The following RSF1 variants were observed in gnomAD, a reference collection of about 807,000 sequenced individuals.
The protein encoded by RSF1 is remodeling and spacing factor 1.
A neutral mutation model predicts 145.2 loss-of-function variants in RSF1; 13 were observed. That is an observed-to-expected ratio of 0.09 (90% CI 0.06 to 0.14). The LOEUF (loss-of-function observed/expected upper bound fraction) is 0.14, where lower values mean the gene tolerates loss of function less well. Ranked by LOEUF, RSF1 falls within the 10% of genes least tolerant of loss-of-function variation. The pLI is 1.00. For missense variants in RSF1, 1,517 were observed against 1,718.2 expected, an observed-to-expected ratio of 0.88 and a Z score of 2.07; for synonymous variants, 577 against 592.6, an observed-to-expected ratio of 0.97 and a Z score of 0.38.
chr11:77,736,225 C>T (rs1466142018), intron 4 of RSF1, among the ~76,000 whole-genome samples: 6 of 152,200 alleles, frequency 3.9e-5, no homozygotes, highest in Non-Finnish European at 7.3e-5. Flanking sequence ...AGTTCTGCTT[C>T]CCCATAATTT....
At chr11:77,741,910 T>C (rs563503389) in intron 3 of RSF1, among the ~76,000 whole-genome samples, 48 of 152,312 alleles carry the variant, frequency 3.2e-4, no homozygotes, top group African/African-American at 1.1e-3. Context: ...TCTGACTCTT[T>C]TAGATTCCAC....
chr11:77,725,807 A>G, intron 4 of RSF1, 108 bp from the exon 5 acceptor site: 1 of 796,886 alleles, frequency 1.3e-6, no homozygotes, highest in Non-Finnish European at 1.8e-6. Context: ...ATACATTAAG[A>G]ACATCAAAAA....
At chr11:77,686,281 A>T (rs576639186) in intron 9 of RSF1, among the ~76,000 whole-genome samples, 1 of 151,780 alleles carries the variant, frequency 6.6e-6, no homozygotes, top group East Asian at 1.9e-4. Context: ...GGTGGCACAC[A>T]CCTATTGTCC....
At chr11:77,753,526 G>C (rs182880356) in intron 2 of RSF1, among the ~76,000 whole-genome samples, 1 of 152,274 alleles carries the variant, frequency 6.6e-6, no homozygotes, top group East Asian at 1.9e-4. Context: ...CCCACAACAG[G>C]ACGGTTTTAA....
At chr11:77,719,674 C>T (rs1423220479) in intron 5 of RSF1, among the ~76,000 whole-genome samples, 1 of 152,114 alleles carries the variant, frequency 6.6e-6, no homozygotes, top group Middle Eastern at 3.4e-3. Context: ...ATTATCTATA[C>T]CAAAAGGTGG....
In RSF1 at chr11:77,701,083, T is replaced by C. The variant is rs780118745; in HGVS notation, c.2146A>G (p.Thr716Ala). Residue 716 changes from threonine (T) to alanine (A), a missense_variant, in exon 6 of 16, where the codon ACC becomes GCC. By Grantham distance (58) the Thr-to-Ala change is moderately conservative. Transcript: ENST00000308488. ...FKYKLVPEEETTASENTEITS... is the reference protein window; with the variant it reads ...FKYKLVPEEEATASENTEITS... Reference sequence around the variant, plus strand: ...ATCTCTGTATTTTCTGAGGCAGTGGTTTCTTCTTCAGGAACCAACTTATAT... The same window carrying C: ...ATCTCTGTATTTTCTGAGGCAGTGGCTTCTTCTTCAGGAACCAACTTATAT... The C allele has an allele frequency of 1.5e-5, 25 of 1,613,504 alleles. No individual in the cohort carries two copies. Among genetic ancestry groups the C allele is most frequent in the Non-Finnish European group, 1.9e-5 (23 of 1,179,956 alleles).
chr11:77,677,026 G>A, intron 12 of RSF1, 27 bp from the exon 13 acceptor site: 2 of 1,565,684 alleles, frequency 1.3e-6, no homozygotes, highest in Non-Finnish European at 1.8e-6. Context: ...GAAGTTCGGG[G>A]AGAGAAAAAT....
chr11:77,809,358 G>A (rs1331166687), intron 1 of RSF1, among the ~76,000 whole-genome samples: 1 of 152,004 alleles, frequency 6.6e-6, no homozygotes, highest in Non-Finnish European at 1.5e-5. Context: ...ATACTACAAA[G>A]CCCCTTATTT....
chr11:77,822,726 C>A (rs150641031), upstream of RSF1, among the ~76,000 whole-genome samples: 151 of 152,158 alleles, frequency 9.9e-4, 2 homozygotes, highest in Non-Finnish European at 2.2e-4. Context: ...GTATACAAAC[C>A]GTTTTTAAAG....
chr11:77,782,709 G>C (rs537782935), intron 1 of RSF1, among the ~76,000 whole-genome samples: 22 of 152,262 alleles, frequency 1.4e-4, no homozygotes, highest in African/African-American at 5.1e-4. Flanking sequence ...ACAACAACAT[G>C]AAATTCAAAT....
the RSF1 span, among the ~76,000 whole-genome samples, chr11:77,847,878 C>T: frequency 6.6e-6 from 1 of 152,022 alleles, no homozygotes; most frequent in African/African-American, 2.4e-5. Context: ...TCCTAAAAAC[C>T]CCGGGAGCTG....
chr11:77,769,021 T>C (rs1335127183), intron 1 of RSF1, among the ~76,000 whole-genome samples: 1 of 152,188 alleles, frequency 6.6e-6, no homozygotes, highest in Non-Finnish European at 1.5e-5. Flanking sequence ...AAACACGTAG[T>C]AAGTTGCTAT....
At chr11:77,808,147 A>T (rs1239624900) in intron 1 of RSF1, among the ~76,000 whole-genome samples, 1 of 152,126 alleles carries the variant, frequency 6.6e-6, no homozygotes, top group African/African-American at 2.4e-5. Flanking sequence ...CAGCCTGGAC[A>T]ACATGGTGAA....
chr11:77,678,022 T>A, intron 12 of RSF1, 64 bp downstream of exon 12: 1 of 1,127,616 alleles, frequency 8.9e-7, no homozygotes, highest in South Asian at 1.3e-5. Context: ...ACTGCCCTAA[T>A]TTGGGCACCT....
At chr11:77,758,858 AC>A (rs61430224) in intron 2 of RSF1, among the ~76,000 whole-genome samples, 19,581 of 152,200 alleles carry the variant, frequency 0.13, 1,443 homozygotes, top group Admixed American at 0.2. Flanking sequence ...GATTTGCAAT[AC>A]GTGCAATTTG....
At position 77,701,326 on chromosome 11, in the gene RSF1, T is replaced by C; in HGVS notation, c.1903A>G (p.Ile635Val). Reference sequence around the variant, plus strand: ...GAGGCTAGTTTCTCACAGTGGTCAATGATATTAGATGGTGGAGAAGTTTCA... The same window carrying C: ...GAGGCTAGTTTCTCACAGTGGTCAACGATATTAGATGGTGGAGAAGTTTCA... ...AAETSPPSNIIDHCEKLASEK... is the reference protein window; with the variant it reads ...AAETSPPSNIVDHCEKLASEK... Residue 635 changes from isoleucine to valine, a missense_variant, in exon 6 of 16, where the codon ATT becomes GTT. Ile to Val is a conservative substitution (Grantham distance 29, BLOSUM62 3). This residue lies in a region of RSF1 where 579 missense variants were observed against 553.5 expected (regional missense o/e 1.05). Coordinates refer to ENST00000308488, the MANE Select transcript of RSF1 (RefSeq NM_016578.4). 6.2e-7 allele frequency: 1 copy of C among 1,614,020 alleles called. No homozygotes were observed. Among genetic ancestry groups the C allele is most frequent in the Non-Finnish European group, 8.5e-7 (1 of 1,179,968 alleles).
At chr11:77,739,582 C>T (rs1016010877) in intron 4 of RSF1, 7 of 152,046 alleles carry the variant, frequency 4.6e-5, no homozygotes, top group African/African-American at 7.2e-5. Context: ...AGCTTTTCTA[C>T]GGGTTATTTT....
intron 1 of RSF1, among the ~76,000 whole-genome samples, chr11:77,793,689 A>G (rs1054292678): frequency 1.3e-5 from 2 of 152,204 alleles, no homozygotes; most frequent in Non-Finnish European, 2.9e-5. Context: ...ACTGATCGCC[A>G]GGATTGATTC....
intron 5 of RSF1, among the ~76,000 whole-genome samples, chr11:77,710,313 C>T (rs1394869810): frequency 3.3e-5 from 5 of 152,064 alleles, no homozygotes; most frequent in Admixed American, 2.6e-4. Context: ...CACTTAAAAT[C>T]TATTTGGCAA....
Sources: allele counts gnomAD v4.1 joint callset (sites outside exome capture counted in the v4.1 genomes callset), GRCh38; gene constraint gnomAD v4.1.1; regional missense constraint gnomAD v4.1.1; transcripts MANE v1.5; gene names NCBI Gene and HGNC (gene_info 2026-07-23, HGNC 2026-07-21).